Variants in LEPR observed in about 807,000 individuals in gnomAD.
LEPR encodes the protein leptin receptor.
A neutral mutation model predicts 114.7 loss-of-function variants in LEPR; 56 were observed. The observed-to-expected ratio is 0.49, with a 90% CI of 0.39 to 0.61. LEPR has a LOEUF of 0.61. Among genes scored for constraint, LEPR ranks in the 20% least tolerant of loss-of-function variants. LEPR has a pLI of 0.00. For synonymous variants in LEPR, 443 were observed against 461.4 expected (o/e 0.96, Z 0.51); for missense variants, 1,202 against 1,352.9 (o/e 0.89, Z 1.75).
chr1:65,603,090 A>G (rs1220270471), intron 10 of LEPR, among the ~76,000 whole-genome samples: 1 of 152,140 alleles, frequency 6.6e-6, no homozygotes, highest in African/African-American at 2.4e-5. Context: ...CTAAGCCTCA[A>G]TTTCCTTGTC....
intron 19 of LEPR, among the ~76,000 whole-genome samples, chr1:65,628,964 T>G (rs1658371926): frequency 6.6e-6 from 1 of 152,134 alleles, no homozygotes; most frequent in African/African-American, 2.4e-5. Context: ...TAGTTAACTG[T>G]CTGACTTTTG....
chr1:65,630,041 T>G (rs573814433), intron 19 of LEPR, among the ~76,000 whole-genome samples: 1 of 152,172 alleles, frequency 6.6e-6, no homozygotes, highest in Non-Finnish European at 1.5e-5. Context: ...CCTCCTCGAT[T>G]GTTAGTTTGG....
At chr1:65,464,743 G>A (rs574566915) in intron 2 of LEPR, among the ~76,000 whole-genome samples, 3 of 152,168 alleles carry the variant, frequency 2.0e-5, no homozygotes, top group East Asian at 3.9e-4. Context: ...TTCTTCCACT[G>A]GTTTAGTCTT....
chr1:65,444,761 T>A (rs1646693001), intron 2 of LEPR, among the ~76,000 whole-genome samples: 1 of 152,222 alleles, frequency 6.6e-6, no homozygotes, highest in Non-Finnish European at 1.5e-5. Flanking sequence ...ATTCTTTATG[T>A]TATTACAATT....
At chr1:65,576,055 T>C (rs1414392153) in intron 5 of LEPR, 1 of 151,748 alleles carries the variant, frequency 6.6e-6, no homozygotes, top group Non-Finnish European at 1.5e-5. Flanking sequence ...ACAACGTTCT[T>C]TCTAAAGCCC....
At chr1:65,473,760 C>G (rs61779814) in intron 2 of LEPR, among the ~76,000 whole-genome samples, 76,263 of 152,008 alleles carry the variant, frequency 0.5, 20,367 homozygotes, top group Middle Eastern at 0.68. Context: ...GATGCTGGCA[C>G]TATCTTCAAT....
intron 2 of LEPR, among the ~76,000 whole-genome samples, chr1:65,518,511 T>G (rs1649399777): frequency 6.6e-6 from 1 of 152,240 alleles, no homozygotes; most frequent in Admixed American, 6.5e-5. Context: ...TGCACTTTTC[T>G]GGCAGCGAAT....
intron 2 of LEPR, among the ~76,000 whole-genome samples, chr1:65,427,132 G>C (rs984953122): frequency 3.9e-5 from 6 of 152,190 alleles, no homozygotes; most frequent in Non-Finnish European, 7.3e-5. Context: ...GAGGGATCCA[G>C]ATATAAGCGG....
At chr1:65,549,290 G>T (rs1053951286) in intron 2 of LEPR, among the ~76,000 whole-genome samples, 1 of 150,022 alleles carries the variant, frequency 6.7e-6, no homozygotes, top group Non-Finnish European at 1.5e-5. Flanking sequence ...ATGTGTCTTG[G>T]AGTTGCTCTT....
chr1:65,628,788 T>TA (rs1658361409), intron 19 of LEPR, among the ~76,000 whole-genome samples: 1 of 152,184 alleles, frequency 6.6e-6, no homozygotes, highest in African/African-American at 2.4e-5. Flanking sequence ...TTCTCTCATG[T>TA]ATATGATATT....
Position 65,548,854 on chromosome 1 carries a change from A to C in LEPR, c.-20-16692A>C, listed in dbSNP as rs150711750. Among the ~76,000 whole-genome samples, 151 of 152,268 alleles carry C rather than the reference A, an allele frequency of 9.9e-4. 2 individuals carry two copies. In the East Asian group the frequency reaches 0.027, roughly 27 times the overall value. On this transcript the variant is annotated intron_variant, in intron 2 of 19. Transcript: ENST00000349533. Reference sequence around the variant, plus strand: ...GTGTGAATTTGGTCCTGTCATTATGATGTTAGCTGGTTATTTTGTTCATTA... The same window carrying C: ...GTGTGAATTTGGTCCTGTCATTATGCTGTTAGCTGGTTATTTTGTTCATTA...
At chr1:65,503,119 A>G (rs1477406052) in intron 2 of LEPR, among the ~76,000 whole-genome samples, 1 of 152,182 alleles carries the variant, frequency 6.6e-6, no homozygotes, top group Non-Finnish European at 1.5e-5. Context: ...CTATGGAGGC[A>G]ACAAATAAAT....
chr1:65,601,460 A>G lies in LEPR; in HGVS notation c.1063A>G (p.Lys355Glu), dbSNP rs146493429. The stretch of plus-strand genomic sequence containing the variant: ...TAATGTTTCTTTTCACTGCATCTAT[A>G]AGAAGGAAAACAAGATTGTTCCCTC... The part of the protein sequence containing the change: ...GSNVSFHCIY[K>E]KENKIVPSKE... Residue 355 changes from lysine (K) to glutamate (E), a missense_variant, in exon 9 of 20, where the codon AAG becomes GAG. Physicochemically the swap from Lys to Glu is moderately conservative, Grantham distance 56. Coordinates refer to ENST00000349533, the MANE Select transcript of LEPR (RefSeq NM_002303.6). 21 of 1,613,566 alleles carry G rather than the reference A, an allele frequency of 1.3e-5. No homozygotes were observed. In the African/African-American group the frequency reaches 2.5e-4, roughly 19 times the overall value.
At chr1:65,456,449 T>A (rs1646877570) in intron 2 of LEPR, among the ~76,000 whole-genome samples, 1 of 152,156 alleles carries the variant, frequency 6.6e-6, no homozygotes, top group Non-Finnish European at 1.5e-5. Context: ...ATTCATCTAT[T>A]TCTCTTTGCA....
chr1:65,433,866 G>T (rs887810180), intron 2 of LEPR: 8 of 985,138 alleles, frequency 8.1e-6, no homozygotes, highest in Non-Finnish European at 8.4e-6. Flanking sequence ...AAAAATGAGA[G>T]AATTTCTTGA....
intron 10 of LEPR, among the ~76,000 whole-genome samples, chr1:65,602,380 T>C (rs899663394): frequency 5.9e-5 from 9 of 151,924 alleles, no homozygotes; most frequent in Non-Finnish European, 1.2e-4. Flanking sequence ...TAAGAGATAA[T>C]ATGAATGGTT....
chr1:65,557,004 A>G (rs1325860383), intron 2 of LEPR, among the ~76,000 whole-genome samples: 1 of 152,178 alleles, frequency 6.6e-6, no homozygotes, highest in Non-Finnish European at 1.5e-5. Context: ...CTGGGGAGCA[A>G]GGACAGAAGT....
At chr1:65,570,013 G>A (rs553694319) in intron 3 of LEPR, among the ~76,000 whole-genome samples, 9 of 152,074 alleles carry the variant, frequency 5.9e-5, no homozygotes, top group African/African-American at 1.9e-4. Flanking sequence ...TAATATTTTG[G>A]TGTTACTCTC....
chr1:65,465,733 G>A (rs1392900651), intron 2 of LEPR, among the ~76,000 whole-genome samples: 1 of 152,178 alleles, frequency 6.6e-6, no homozygotes, highest in Non-Finnish European at 1.5e-5. Context: ...TACATATTTA[G>A]GATAGTTAGG....
Sources: allele counts gnomAD v4.1 joint callset (sites outside exome capture counted in the v4.1 genomes callset), GRCh38; gene constraint gnomAD v4.1.1; transcripts MANE v1.5; gene names NCBI Gene and HGNC (gene_info 2026-07-23, HGNC 2026-07-21).